The following KANK2 variants were observed in gnomAD, a reference collection of about 807,000 sequenced individuals.
KANK2 encodes the protein KN motif and ankyrin repeat domains 2, also known as KN motif and ankyrin repeat domain-containing protein 2.
A neutral mutation model predicts 74.6 loss-of-function variants in KANK2; 41 were observed. The observed-to-expected ratio is 0.55, with a 90% confidence interval of 0.43 to 0.71. The LOEUF (loss-of-function observed/expected upper bound fraction) is 0.71, where lower values mean the gene tolerates loss of function less well. KANK2 is among the 30% of genes least tolerant of loss of function. The pLI is 0.00. For missense variants in KANK2, 1,148 were observed against 1,196.4 expected (o/e 0.96, Z 0.60); for synonymous variants, 537 against 519.0 (o/e 1.03, Z -0.47).
chr19:11,184,560 CT>C (rs2147525865), intron 4 of KANK2, among the ~76,000 whole-genome samples: 1 of 149,982 alleles, frequency 6.7e-6, no homozygotes, highest in South Asian at 2.1e-4. Flanking sequence ...TCGGTTGCAA[CT>C]GCTCAACTGT....
rs771568105 is a variant in KANK2, at chr19:11,176,621, T to C, written c.1717A>G (p.Thr573Ala). The change falls in exon 7 of 13, where the codon ACT becomes GCT. Residue 573 changes from threonine (T) to alanine (A), a missense_variant. Coordinates refer to ENST00000586659, the MANE Select transcript of KANK2 (RefSeq NM_001136191.3). The stretch of plus-strand genomic sequence containing the variant: ...TTTGATCCTGATGCCCCCTCAGCAG[T>C]GGGTATGTGCTGAGATTCTCGAGAC... ...QLSRESQHIP[T>A]AEGASGSNTE... The C allele has an allele frequency of 2.5e-6, 4 of 1,609,994 alleles. No homozygotes were observed. Among genetic ancestry groups the C allele is most frequent in the Admixed American group, 3.4e-5 (2 of 59,254 alleles).
chr19:11,173,489 T>G (rs909817465), intron 9 of KANK2, among the ~76,000 whole-genome samples: 4 of 151,886 alleles, frequency 2.6e-5, no homozygotes, highest in African/African-American at 9.7e-5. Flanking sequence ...TCTCCCCCAG[T>G]AGGAGAGGGA....
intron 4 of KANK2, among the ~76,000 whole-genome samples, chr19:11,188,609 C>A (rs1427466583): frequency 6.6e-6 from 1 of 151,654 alleles, no homozygotes; most frequent in Non-Finnish European, 1.5e-5. Flanking sequence ...TATCTCAGGG[C>A]CTTTGTCCCT....
At chr19:11,187,605 T>A (rs536520372) in intron 4 of KANK2, among the ~76,000 whole-genome samples, 1 of 152,254 alleles carries the variant, frequency 6.6e-6, no homozygotes, top group Admixed American at 6.5e-5. Context: ...TTGGGACTCA[T>A]GAAAAGTATG....
intron 12 of KANK2, among the ~76,000 whole-genome samples, chr19:11,168,760 C>A (rs1473763334): frequency 6.6e-6 from 1 of 152,166 alleles, no homozygotes; most frequent in African/African-American, 2.4e-5. Flanking sequence ...CAGACCCAGG[C>A]GTGAATACTG....
At chr19:11,185,011 A>C (rs2078636224) in intron 4 of KANK2, among the ~76,000 whole-genome samples, 1 of 148,206 alleles carries the variant, frequency 6.7e-6, no homozygotes, top group Admixed American at 6.8e-5. Flanking sequence ...GGGTTTCACC[A>C]TGTTGGCCAG....
chr19:11,178,294 TG>T, intron 6 of KANK2, 50 bp downstream of exon 6: 1 of 1,103,160 alleles, frequency 9.1e-7, no homozygotes, highest in Non-Finnish European at 1.1e-6. Context: ...CGTGGATGAA[TG>T]GAGGAGGGGC....
At chr19:11,192,537 C>T (rs866371015) in intron 4 of KANK2, 3 of 371,250 alleles carry the variant, frequency 8.1e-6, no homozygotes, top group Non-Finnish European at 1.6e-5. Context: ...CTAGTTCAAG[C>T]GATTCTCCTG....
At chr19:11,167,466 C>T (rs2078053841) in intron 12 of KANK2, among the ~76,000 whole-genome samples, 1 of 151,904 alleles carries the variant, frequency 6.6e-6, no homozygotes, top group African/African-American at 2.4e-5. Flanking sequence ...TGGGCTCAAG[C>T]AATCCTCCTG....
intron 4 of KANK2, among the ~76,000 whole-genome samples, chr19:11,180,198 TC>T: frequency 6.6e-6 from 1 of 152,236 alleles, no homozygotes; most frequent in South Asian, 2.1e-4. Context: ...CCCCTTCCTG[TC>T]CCCCGGGGCG....
At chr19:11,194,647 G>A (rs2147638657) in intron 2 of KANK2, 57 bp from the exon 3 acceptor site, 1 of 679,256 alleles carries the variant, frequency 1.5e-6, no homozygotes, top group Admixed American at 2.1e-5. Context: ...GAGGGGAGGA[G>A]ATGAGGCCAG....
chr19:11,183,872 T>G (rs534573273), intron 4 of KANK2, among the ~76,000 whole-genome samples: 7 of 152,088 alleles, frequency 4.6e-5, no homozygotes, highest in Admixed American at 4.6e-4. Context: ...AGGCTGGTCT[T>G]GAACTCCTGG....
chr19:11,178,847 C>T, intron 4 of KANK2, 127 bp from the exon 5 acceptor site: 1 of 803,492 alleles, frequency 1.2e-6, no homozygotes, highest in Admixed American at 3.9e-5. Context: ...ATCCAGTCTT[C>T]CTGCCCCTTG....
intron 6 of KANK2, among the ~76,000 whole-genome samples, chr19:11,177,913 C>T (rs2078391564): frequency 6.6e-6 from 1 of 152,140 alleles, no homozygotes; most frequent in Non-Finnish European, 1.5e-5. Flanking sequence ...CCTACTTCTC[C>T]CGTACCACCT....
At chr19:11,167,086 A>G (rs547084316) in intron 12 of KANK2, among the ~76,000 whole-genome samples, 3 of 152,030 alleles carry the variant, frequency 2.0e-5, no homozygotes, top group South Asian at 2.1e-4. Context: ...TTTTTTTGAG[A>G]CAGAGTTTCA....
intron 4 of KANK2, among the ~76,000 whole-genome samples, chr19:11,179,797 A>G (rs2078459961): frequency 6.6e-6 from 1 of 152,174 alleles, no homozygotes; most frequent in Non-Finnish European, 1.5e-5. Context: ...GCGTGGAATA[A>G]AAGTCCAGTT....
intron 12 of KANK2, among the ~76,000 whole-genome samples, chr19:11,167,775 G>A (rs937716369): frequency 5.3e-5 from 8 of 151,814 alleles, no homozygotes; most frequent in Middle Eastern, 6.8e-3. Context: ...TGATCTGCCC[G>A]CCATGGCATC....
Position 11,176,570 on chromosome 19 carries a change from A to T in KANK2, c.1760+8T>A. 6.4e-7 allele frequency: 1 copy of T among 1,569,816 alleles called. No individual in the cohort carries two copies. Among genetic ancestry groups the T allele is most frequent in the Non-Finnish European group, 8.7e-7 (1 of 1,153,978 alleles). ...CCTGCCTGAATCCCTCCTACCCAGA[A>T]AACTGACCTGATCTCCTCCTCCGTG... On this transcript the variant is annotated splice_region_variant and intron_variant, in intron 7 of 12. Transcript: ENST00000586659.
intron 4 of KANK2, among the ~76,000 whole-genome samples, chr19:11,180,507 C>T (rs1207505480): frequency 1.3e-5 from 2 of 151,968 alleles, no homozygotes; most frequent in Non-Finnish European, 2.9e-5. Context: ...GTAACATAGA[C>T]AGGGCCGGCT....
Sources: allele counts gnomAD v4.1 joint callset (sites outside exome capture counted in the v4.1 genomes callset), GRCh38; gene constraint gnomAD v4.1.1; transcripts MANE v1.5; gene names NCBI Gene and HGNC (gene_info 2026-07-23, HGNC 2026-07-21).